Variants in MARCHF3 observed in about 807,000 individuals in gnomAD.
The protein encoded by MARCHF3 is E3 ubiquitin-protein ligase MARCHF3.
MARCHF3 carries 13 observed loss-of-function variants against 24.2 expected under a neutral mutation model. That is an observed-to-expected ratio of 0.54 (90% CI 0.35 to 0.85). MARCHF3 has a LOEUF of 0.85. Among genes scored for constraint, MARCHF3 ranks in the 40% least tolerant of loss-of-function variants. The pLI is 0.01. For synonymous variants in MARCHF3, 144 were observed against 137.3 expected (o/e 1.05, Z -0.34); for missense variants, 276 against 325.0 (o/e 0.85, Z 1.16).
intron 1 of MARCHF3, among the ~76,000 whole-genome samples, chr5:126,926,738 A>G (rs2126800971): frequency 6.6e-6 from 1 of 152,140 alleles, no homozygotes; most frequent in South Asian, 2.1e-4. Context: ...CTGCTTATCA[A>G]CAGGAGAGTT....
At chr5:126,878,035 CAT>C in intron 4 of MARCHF3, 148 bp downstream of exon 4, 1 of 718,518 alleles carries the variant, frequency 1.4e-6, no homozygotes, top group South Asian at 1.8e-5. Flanking sequence ...CACACATAGT[CAT>C]AAACCAAATC....
chr5:126,967,780 C>A (rs113902471), intron 1 of MARCHF3, among the ~76,000 whole-genome samples: 1 of 152,138 alleles, frequency 6.6e-6, no homozygotes, highest in East Asian at 1.9e-4. Context: ...ACCCCATAGA[C>A]CACATCCAAC....
At chr5:126,903,024 T>C (rs1754158236) in intron 3 of MARCHF3, among the ~76,000 whole-genome samples, 1 of 152,118 alleles carries the variant, frequency 6.6e-6, no homozygotes, top group Non-Finnish European at 1.5e-5. Context: ...TACACTGTCT[T>C]TTAGAGGTTC....
At chr5:126,939,839 C>T (rs1051795190) in intron 1 of MARCHF3, among the ~76,000 whole-genome samples, 2 of 152,116 alleles carry the variant, frequency 1.3e-5, no homozygotes, top group Non-Finnish European at 2.9e-5. Context: ...TGCTTGAAGA[C>T]ACCTTATTTA....
chr5:126,902,279 T>C (rs1043155896), intron 3 of MARCHF3, among the ~76,000 whole-genome samples: 25 of 152,266 alleles, frequency 1.6e-4, no homozygotes, highest in African/African-American at 5.3e-4. Context: ...CTGTTTGTTA[T>C]AGTATTCTTT....
chr5:126,898,777 C>G, intron 3 of MARCHF3: 1 of 810,746 alleles, frequency 1.2e-6, no homozygotes, highest in Non-Finnish European at 1.5e-6. Flanking sequence ...TCCCTCGGAG[C>G]CCTAAAAGAC....
intron 1 of MARCHF3, among the ~76,000 whole-genome samples, chr5:127,000,844 T>C (rs887319276): frequency 8.6e-5 from 13 of 151,912 alleles, no homozygotes; most frequent in Admixed American, 2.0e-4. Flanking sequence ...TTTTTTGTAG[T>C]TTTAGTAGAG....
intron 3 of MARCHF3, 53 bp from the exon 4 acceptor site, chr5:126,878,447 GT>G: frequency 2.0e-6 from 3 of 1,527,360 alleles, no homozygotes; most frequent in Non-Finnish European, 2.7e-6. Context: ...AAATGCCAGT[GT>G]GGAGTGGAGA....
At chr5:126,893,465 G>T (rs555774575) in intron 3 of MARCHF3, among the ~76,000 whole-genome samples, 2 of 151,788 alleles carry the variant, frequency 1.3e-5, no homozygotes, top group Admixed American at 1.3e-4. Context: ...CTTTGAATGC[G>T]TCCCAGAGAT....
chr5:126,992,096 A>G (rs529407222), intron 1 of MARCHF3, among the ~76,000 whole-genome samples: 3 of 152,208 alleles, frequency 2.0e-5, no homozygotes, highest in African/African-American at 7.2e-5. Context: ...GCCCCAGGAT[A>G]TTCAGTACAA....
At chr5:126,874,415 C>T (rs1753076006) in intron 4 of MARCHF3, among the ~76,000 whole-genome samples, 1 of 152,000 alleles carries the variant, frequency 6.6e-6, no homozygotes, top group Non-Finnish European at 1.5e-5. Flanking sequence ...GGAGAAACCC[C>T]GTCTCTACTA....
intron 1 of MARCHF3, among the ~76,000 whole-genome samples, chr5:127,005,085 C>T (rs1458552180): frequency 2.0e-5 from 3 of 151,968 alleles, no homozygotes; most frequent in African/African-American, 7.3e-5. Flanking sequence ...ATGTTTGCAT[C>T]CTCAGTAACT....
intron 1 of MARCHF3, among the ~76,000 whole-genome samples, chr5:126,922,830 G>A (rs948850743): frequency 6.6e-6 from 1 of 152,182 alleles, no homozygotes; most frequent in Admixed American, 6.5e-5. Context: ...ACAGGCGTGA[G>A]CCACTGCGCC....
intron 1 of MARCHF3, among the ~76,000 whole-genome samples, chr5:127,000,852 G>C (rs1054053628): frequency 8.6e-5 from 13 of 151,644 alleles, no homozygotes; most frequent in Admixed American, 6.6e-4. Context: ...AGTTTTAGTA[G>C]AGACGGGGTT....
chr5:126,884,121 C>A (rs1443086692), intron 3 of MARCHF3, among the ~76,000 whole-genome samples: 1 of 152,138 alleles, frequency 6.6e-6, no homozygotes, highest in African/African-American at 2.4e-5. Context: ...ATCTGGGGAG[C>A]TGGAATGTGA....
intron 1 of MARCHF3, among the ~76,000 whole-genome samples, chr5:126,957,297 A>G (rs989677717): frequency 2.6e-5 from 4 of 152,158 alleles, no homozygotes; most frequent in African/African-American, 9.7e-5. Flanking sequence ...TTTGTCACAT[A>G]TGTTTAACTT....
intron 3 of MARCHF3, among the ~76,000 whole-genome samples, chr5:126,900,922 G>C (rs557349090): frequency 6.6e-6 from 1 of 151,950 alleles, no homozygotes; most frequent in South Asian, 2.1e-4. Flanking sequence ...GGCTGGTCTC[G>C]AACTTCTGAT....
At chr5:126,904,159 C>A (rs1245010974) in intron 3 of MARCHF3, among the ~76,000 whole-genome samples, 4 of 148,848 alleles carry the variant, frequency 2.7e-5, no homozygotes, top group Non-Finnish European at 4.5e-5. Flanking sequence ...TTTTTTATGG[C>A]TGCATAGTAT....
intron 1 of MARCHF3, among the ~76,000 whole-genome samples, chr5:126,968,834 T>C (rs943586383): frequency 2.0e-5 from 3 of 152,148 alleles, no homozygotes; most frequent in Non-Finnish European, 4.4e-5. Flanking sequence ...GGATTACCGG[T>C]GTGAGCTACC....
Sources: gnomAD v4.1 joint callset for allele counts (sites outside exome capture counted in the v4.1 genomes callset) on GRCh38, gnomAD v4.1.1 for gene constraint, MANE v1.5 for transcripts, NCBI Gene and HGNC (gene_info 2026-07-23, HGNC 2026-07-21) for gene names.